The following TENM2 variants were observed in gnomAD, a reference collection of about 807,000 sequenced individuals.
TENM2 encodes teneurin-2.
Under a neutral mutation model 245.2 loss-of-function variants are expected in TENM2, and 52 were observed. The observed-to-expected ratio is 0.21, with a 90% CI of 0.17 to 0.27. TENM2 has a LOEUF of 0.27. Among genes scored for constraint, TENM2 ranks in the 10% least tolerant of loss-of-function variants. TENM2 has a pLI of 1.00. For missense variants in TENM2, 3,046 were observed against 3,666.8 expected, an observed-to-expected ratio of 0.83 and a Z score of 4.37; for synonymous variants, 1,363 against 1,438.9, an observed-to-expected ratio of 0.95 and a Z score of 1.19.
the TENM2 span, among the ~76,000 whole-genome samples, chr5:167,120,015 G>A: frequency 6.6e-6 from 1 of 152,136 alleles, no homozygotes; most frequent in African/African-American, 2.4e-5. Flanking sequence ...GAGCCTCGTA[G>A]GCAAAGCTAA....
At chr5:167,187,497 T>C in the TENM2 span, among the ~76,000 whole-genome samples, 2 of 152,316 alleles carry the variant, frequency 1.3e-5, no homozygotes, top group South Asian at 4.1e-4. Flanking sequence ...TCCTGAACTC[T>C]TCTCCAATGT....
chr5:167,834,799 G>T (rs950630883), intron 2 of TENM2, among the ~76,000 whole-genome samples: 2 of 152,014 alleles, frequency 1.3e-5, no homozygotes, highest in African/African-American at 4.8e-5. Flanking sequence ...ACAGGCGCCC[G>T]CCACCACGCC....
Position 168,068,428 on chromosome 5 carries a change from A to G in TENM2, c.1515+6163A>G, listed in dbSNP as rs565962801. Among the ~76,000 whole-genome samples, 79 of 152,198 alleles carry G rather than the reference A, an allele frequency of 5.2e-4. 2 individuals are homozygous for G. Among genetic ancestry groups the G allele is most frequent in the Non-Finnish European group, 5.9e-4 (40 of 68,006 alleles). ...ATCCTCAAGTGAAATCTTATATAGA[A>G]CCCTGTATATAAAAAGACGAAAGTG... is the stretch of plus-strand genomic sequence containing the variant. On this transcript the variant is annotated intron_variant, in intron 7 of 28. Transcript: ENST00000518659.
the TENM2 span, among the ~76,000 whole-genome samples, chr5:167,016,110 C>T: frequency 2.7e-3 from 410 of 151,804 alleles, 1 homozygote; most frequent in African/African-American, 9.1e-3. Flanking sequence ...AAAAATTAGC[C>T]GTGCATGGTG....
intron 5 of TENM2, among the ~76,000 whole-genome samples, chr5:168,004,320 CCAAT>C (rs528859661): frequency 5.9e-5 from 9 of 152,116 alleles, no homozygotes; most frequent in Non-Finnish European, 1.2e-4. Flanking sequence ...ATGTTAGTTC[CCAAT>C]CAAATTCTGT....
At chr5:167,951,197 G>A (rs1013955313) in intron 3 of TENM2, among the ~76,000 whole-genome samples, 1 of 152,318 alleles carries the variant, frequency 6.6e-6, no homozygotes, top group East Asian at 1.9e-4. Flanking sequence ...GGCCACATAA[G>A]GAGACAAGTA....
the TENM2 span, among the ~76,000 whole-genome samples, chr5:167,174,991 T>A: frequency 1.3e-5 from 2 of 152,060 alleles, no homozygotes; most frequent in South Asian, 4.1e-4. Context: ...TTGTTGCAAG[T>A]GGTAGTATCT....
intron 12 of TENM2, among the ~76,000 whole-genome samples, chr5:168,127,474 C>T (rs190436418): frequency 1.4e-4 from 22 of 152,324 alleles, no homozygotes; most frequent in African/African-American, 5.3e-4. Context: ...TTACATGTCT[C>T]CTCCTCTGGT....
chr5:167,650,913 C>A (rs1453797562), intron 2 of TENM2, among the ~76,000 whole-genome samples: 1 of 152,080 alleles, frequency 6.6e-6, no homozygotes, highest in Non-Finnish European at 1.5e-5. Flanking sequence ...ATAAAGCTAA[C>A]CATTAGACTT....
chr5:167,625,871 G>A (rs1392565778), intron 2 of TENM2, among the ~76,000 whole-genome samples: 1 of 152,202 alleles, frequency 6.6e-6, no homozygotes, highest in Non-Finnish European at 1.5e-5. Context: ...GATGTTGGCT[G>A]TTGGCAGGCA....
At chr5:167,380,867 A>G (rs114589778) in intron 2 of TENM2, among the ~76,000 whole-genome samples, 1,644 of 152,192 alleles carry the variant, frequency 0.011, 30 homozygotes, top group African/African-American at 0.037. Context: ...TCAGTCAGAA[A>G]ACTCTTTTTT....
chr5:167,971,781 T>A (rs926215184), intron 4 of TENM2, among the ~76,000 whole-genome samples: 1 of 151,280 alleles, frequency 6.6e-6, no homozygotes, highest in African/African-American at 2.4e-5. Context: ...AGTGAAGGGG[T>A]CATCATTTGG....
intron 2 of TENM2, among the ~76,000 whole-genome samples, chr5:167,686,009 A>G (rs1330802052): frequency 6.6e-6 from 1 of 152,182 alleles, no homozygotes; most frequent in African/African-American, 2.4e-5. Flanking sequence ...TCGTCAGTAA[A>G]ATGGAAATAA....
At chr5:167,698,814 G>T in intron 2 of TENM2, among the ~76,000 whole-genome samples, 1 of 150,952 alleles carries the variant, frequency 6.6e-6, no homozygotes, top group East Asian at 2.0e-4. Context: ...CTCCTGAGTA[G>T]CTGGGACTAC....
At chr5:167,033,796 T>C in the TENM2 span, among the ~76,000 whole-genome samples, 1 of 152,212 alleles carries the variant, frequency 6.6e-6, no homozygotes, top group Non-Finnish European at 1.5e-5. Context: ...TGATATTCAT[T>C]ACAGAAAGCA....
chr5:167,178,998 G>C, the TENM2 span, among the ~76,000 whole-genome samples: 1 of 152,236 alleles, frequency 6.6e-6, no homozygotes, highest in East Asian at 1.9e-4. Flanking sequence ...ACATCAATGA[G>C]GTTAGGAGAG....
intron 2 of TENM2, among the ~76,000 whole-genome samples, chr5:167,746,697 G>GAGAGAA (rs1170663496): frequency 6.7e-6 from 1 of 148,504 alleles, no homozygotes; most frequent in Non-Finnish European, 1.5e-5. Flanking sequence ...GAGAGAGAGA[G>GAGAGAA]AGAGAGAGAG....
At chr5:167,934,992 T>C (rs61159476) in intron 3 of TENM2, 90,681 of 857,140 alleles carry the variant, frequency 0.11, 5,109 homozygotes, top group African/African-American at 0.15. Flanking sequence ...AAGAAAACAG[T>C]AGGTGTCATT....
chr5:167,117,444 A>G, the TENM2 span, among the ~76,000 whole-genome samples: 4 of 152,198 alleles, frequency 2.6e-5, no homozygotes, highest in Admixed American at 1.3e-4. Context: ...TGGAGCTTGC[A>G]GTGAGCCAAG....
Sources: allele counts gnomAD v4.1 joint callset (sites outside exome capture counted in the v4.1 genomes callset), GRCh38; gene constraint gnomAD v4.1.1; transcripts MANE v1.5; gene names NCBI Gene and HGNC (gene_info 2026-07-23, HGNC 2026-07-21).